ROBO1: variants seen among roughly 807,000 people sequenced by gnomAD.
ROBO1 encodes the protein roundabout guidance receptor 1, also known as roundabout homolog 1.
A neutral mutation model predicts 195.9 loss-of-function variants in ROBO1; 149 were observed. The observed-to-expected ratio is 0.76, with a 90% confidence interval of 0.67 to 0.87. The LOEUF is 0.87. Ranked by LOEUF, ROBO1 falls within the 40% of genes least tolerant of loss-of-function variation. ROBO1 has a pLI of 0.00. For synonymous variants in ROBO1, 816 were observed against 733.2 expected, an observed-to-expected ratio of 1.11 and a Z score of -1.82; for missense variants, 1,933 against 2,068.3, an observed-to-expected ratio of 0.93 and a Z score of 1.27.
rs746476391 is a variant in ROBO1 at position 78,693,227 on chromosome 3, C to G, written c.1046-4455G>C. Reference sequence around the variant, plus strand: ...TGCAGTCTGTCTTTGTGGCCAATGACAAGTGAAACATGGAGGCTGATTGGT... The same window carrying G: ...TGCAGTCTGTCTTTGTGGCCAATGAGAAGTGAAACATGGAGGCTGATTGGT... On this transcript the variant is annotated intron_variant, in intron 8 of 30. Transcript: ENST00000464233. The G allele has an allele frequency of 4.5e-6, 6 of 1,336,304 alleles. No homozygotes were observed. The African/African-American group carries it at 8.9e-5, about 20-fold the overall frequency. The allele number at this position is 1,336,304 out of a possible 1,614,324, so 82.8% of individuals were successfully genotyped here.
Position 78,847,010 on chromosome 3 carries a change from G to C in ROBO1, c.499+91591C>G, listed in dbSNP as rs544709659. ...GATCTCAACACTTAGTACAATGATGGAGAAGGCGATAATGCTGTGTCTCAG... is the reference window on the plus strand; with the variant it reads ...GATCTCAACACTTAGTACAATGATGCAGAAGGCGATAATGCTGTGTCTCAG... On this transcript the variant is annotated intron_variant, in intron 4 of 30. Transcript: ENST00000464233. Among the ~76,000 whole-genome samples the C allele has an allele frequency of 3.3e-5, 5 of 152,216 alleles. No homozygotes were observed. In the South Asian group the frequency reaches 1.0e-3, roughly 32 times the overall value.
At chr3:78,753,534 A>G (rs1244929526) in intron 4 of ROBO1, among the ~76,000 whole-genome samples, 1 of 152,096 alleles carries the variant, frequency 6.6e-6, no homozygotes, top group East Asian at 1.9e-4. Flanking sequence ...TTTTAATTTG[A>G]CTTTAAGTTC....
At chr3:79,307,082 C>T (rs1307647198) in intron 2 of ROBO1, among the ~76,000 whole-genome samples, 1 of 147,046 alleles carries the variant, frequency 6.8e-6, no homozygotes, top group Non-Finnish European at 1.5e-5. Flanking sequence ...GGAGGGGGGT[C>T]GGGGAAGCTC....
chr3:78,966,583 C>T (rs2076650271), intron 3 of ROBO1, among the ~76,000 whole-genome samples: 1 of 152,092 alleles, frequency 6.6e-6, no homozygotes, highest in Admixed American at 6.5e-5. Context: ...GCTTACAATC[C>T]AAAGTTAAGT....
At chr3:79,749,024 G>A (rs986088757) in intron 1 of ROBO1, among the ~76,000 whole-genome samples, 4 of 152,176 alleles carry the variant, frequency 2.6e-5, no homozygotes, top group Non-Finnish European at 5.9e-5. Context: ...GGAGGGCTGA[G>A]AAGAAGACAG....
intron 2 of ROBO1, among the ~76,000 whole-genome samples, chr3:79,375,637 G>A (rs928071667): frequency 1.3e-5 from 2 of 152,142 alleles, no homozygotes; most frequent in African/African-American, 2.4e-5. Context: ...AGTTTCCAAG[G>A]GGACCTTAGT....
In ROBO1 at chr3:78,651,984, G is replaced by A. The variant is rs557389343; in HGVS notation, c.2615-55C>T. The A allele has an allele frequency of 1.0e-3, 1,397 of 1,330,628 alleles. 23 individuals are homozygous for A. In the South Asian group the frequency reaches 0.013, roughly 12 times the overall value. 82.4% of individuals were successfully genotyped at this position (1,330,628 alleles called of 1,614,324 possible). On this transcript the variant is annotated intron_variant, in intron 18 of 30. Coordinates refer to ENST00000464233, the MANE Select transcript of ROBO1 (RefSeq NM_002941.4). Reference sequence around the variant, plus strand: ...TTGAAGACTCAATGCAATAATGCACGCACTCATTTGTGGCTGCCATTACTT... The same window carrying A: ...TTGAAGACTCAATGCAATAATGCACACACTCATTTGTGGCTGCCATTACTT...
intron 2 of ROBO1, among the ~76,000 whole-genome samples, chr3:79,343,064 C>T (rs537552875): frequency 5.3e-5 from 8 of 152,202 alleles, no homozygotes; most frequent in African/African-American, 1.4e-4. Context: ...TGTAGTTTTG[C>T]CTTTTTCGGA....
At chr3:79,055,161 C>A (rs2078780934) in intron 3 of ROBO1, among the ~76,000 whole-genome samples, 1 of 152,094 alleles carries the variant, frequency 6.6e-6, no homozygotes, top group Non-Finnish European at 1.5e-5. Flanking sequence ...TCATACTGGT[C>A]TCATTAATTC....
intron 3 of ROBO1, among the ~76,000 whole-genome samples, chr3:79,032,922 T>A (rs1294270107): frequency 6.6e-6 from 1 of 151,940 alleles, no homozygotes; most frequent in East Asian, 1.9e-4. Flanking sequence ...GGCTGGAAAA[T>A]GAGAAATAAA....
At chr3:78,799,074 G>A (rs1185891788) in intron 4 of ROBO1, among the ~76,000 whole-genome samples, 1 of 152,106 alleles carries the variant, frequency 6.6e-6, no homozygotes, top group East Asian at 1.9e-4. Flanking sequence ...ATCATATAGT[G>A]GGTTCCAATG....
Position 78,651,940 on chromosome 3 carries a change from A to T in ROBO1, c.2615-11T>A, listed in dbSNP as rs1405134893. The T allele has an allele frequency of 6.2e-7, 1 of 1,609,298 alleles. No homozygotes were observed. Among genetic ancestry groups the T allele is most frequent in the East Asian group, 2.2e-5 (1 of 44,802 alleles). ...GGTTTCCATGGGCATCTGAAAAGTC[A>T]TCTTCCGATTAATTTGGGTTGAAGA... On this transcript the variant is annotated splice_polypyrimidine_tract_variant and intron_variant, in intron 18 of 30. Coordinates refer to ENST00000464233, the MANE Select transcript of ROBO1 (RefSeq NM_002941.4).
chr3:79,463,985 A>G (rs1379266683), intron 2 of ROBO1, among the ~76,000 whole-genome samples: 2 of 152,124 alleles, frequency 1.3e-5, no homozygotes, highest in African/African-American at 4.8e-5. Context: ...TTCCATCTCT[A>G]TAGATTTGCC....
intron 2 of ROBO1, among the ~76,000 whole-genome samples, chr3:79,537,990 A>C (rs11714977): frequency 2.6e-5 from 4 of 151,928 alleles, no homozygotes; most frequent in Non-Finnish European, 4.4e-5. Flanking sequence ...AAAGTTTACA[A>C]ATTTGTGTTG....
chr3:79,679,452 G>T (rs1299854513), intron 1 of ROBO1, among the ~76,000 whole-genome samples: 1 of 151,812 alleles, frequency 6.6e-6, no homozygotes. Context: ...ATATGTCAGG[G>T]AACAATTACA....
intron 8 of ROBO1, among the ~76,000 whole-genome samples, chr3:78,688,975 G>GT (rs2081112094): frequency 6.6e-6 from 1 of 152,158 alleles, no homozygotes; most frequent in Admixed American, 6.5e-5. Context: ...GTTATATGAA[G>GT]TTTTTTATTA....
At chr3:79,329,148 AT>A (rs1394617025) in intron 2 of ROBO1, among the ~76,000 whole-genome samples, 2 of 152,104 alleles carry the variant, frequency 1.3e-5, no homozygotes, top group Non-Finnish European at 2.9e-5. Context: ...GTCAAAAGCT[AT>A]TTTCTCATTG....
chr3:79,062,735 G>A (rs532202367), intron 3 of ROBO1, among the ~76,000 whole-genome samples: 2 of 152,116 alleles, frequency 1.3e-5, no homozygotes, highest in East Asian at 3.9e-4. Context: ...CACAAGGACA[G>A]AAAACAAAAC....
At chr3:79,763,467 T>C (rs1211703407) in intron 1 of ROBO1, among the ~76,000 whole-genome samples, 1 of 151,892 alleles carries the variant, frequency 6.6e-6, no homozygotes, top group Non-Finnish European at 1.5e-5. Context: ...ATAAGAAAAA[T>C]TTTATGGTGG....
Sources: allele counts gnomAD v4.1 joint callset (sites outside exome capture counted in the v4.1 genomes callset), GRCh38; gene constraint gnomAD v4.1.1; transcripts MANE v1.5; gene names NCBI Gene and HGNC (gene_info 2026-07-23, HGNC 2026-07-21).